Variants in CRYBG3 observed in about 807,000 individuals in gnomAD.
The protein encoded by CRYBG3 is very large A-kinase anchor protein.
CRYBG3 carries 127 observed loss-of-function variants against 244.2 expected under a neutral mutation model. The observed-to-expected ratio is 0.52, with a 90% CI of 0.45 to 0.60. CRYBG3 has a LOEUF of 0.60. Among genes scored for constraint, CRYBG3 ranks in the 20% least tolerant of loss-of-function variants. The pLI is 0.00. For missense variants in CRYBG3, 3,325 were observed against 3,442.5 expected, an observed-to-expected ratio of 0.97 and a Z score of 0.85; for synonymous variants, 1,132 against 1,195.8, an observed-to-expected ratio of 0.95 and a Z score of 1.10.
chr3:97,876,382 G>C lies in CRYBG3; in HGVS notation c.5188G>C (p.Glu1730Gln). 8.1e-7 allele frequency: 1 copy of C among 1,232,122 alleles called. No homozygotes were observed. The highest frequency in any genetic ancestry group is 1.0e-6 in the Non-Finnish European group (1 of 987,968). The allele number at this position is 1,232,122 out of a possible 1,614,324, so 76.3% of individuals were successfully genotyped here. A position where few individuals can be genotyped will look rare whatever the true frequency, so the allele number is the denominator to read the frequency against. ...TGCTGAAGGGGATATTGGAAAGGCT[G>C]AAGTGATGCCTGTGAGGTTAGAAAT... is the stretch of plus-strand genomic sequence containing the variant. ...KDAEGDIGKA[E>Q]VMPVRLEMEN... The change falls in exon 4 of 22, where the codon GAA becomes CAA. Residue 1730 changes from glutamate (E) to glutamine (Q), a missense_variant. Coordinates refer to ENST00000389622, the MANE Select transcript of CRYBG3 (RefSeq NM_153605.4).
chr3:97,942,919 A>C lies in CRYBG3; in HGVS notation c.8825-307A>C, dbSNP rs574391115. On this transcript the variant is annotated intron_variant, in intron 21 of 21. Coordinates refer to ENST00000389622, the MANE Select transcript of CRYBG3 (RefSeq NM_153605.4). ...ACAGTTTTGTTGGTGTAGAAACAAA[A>C]ACACAGTACCTGACATTCAGCCAGA... The C allele has an allele frequency of 1.6e-3, 480 of 292,546 alleles. 1 individual carries two copies. Among genetic ancestry groups the C allele is most frequent in the Non-Finnish European group, 2.6e-3 (416 of 161,258 alleles). 18.1% of individuals were successfully genotyped at this position (292,546 alleles called of 1,614,324 possible).
chr3:97,833,571 CAG>C (rs1363621735), intron 1 of CRYBG3, among the ~76,000 whole-genome samples: 4 of 151,660 alleles, frequency 2.6e-5, no homozygotes, highest in African/African-American at 4.8e-5. Flanking sequence ...GTCGGGTTGT[CAG>C]GGGGTGTCTA....
At chr3:97,927,441 A>G (rs1273214154) in intron 17 of CRYBG3, among the ~76,000 whole-genome samples, 2 of 151,924 alleles carry the variant, frequency 1.3e-5, no homozygotes, top group Admixed American at 6.6e-5. Context: ...AGACTAAAAT[A>G]TAAAACCTAA....
rs765635108 is a variant in CRYBG3, at chr3:97,877,808, C to A, written c.6614C>A (p.Thr2205Asn). Residue 2205 changes from threonine (T) to asparagine (N), a missense_variant, in exon 4 of 22, where the codon ACC becomes AAC. By Grantham distance (65) the Thr-to-Asn change is moderately conservative. Coordinates refer to ENST00000389622, the MANE Select transcript of CRYBG3 (RefSeq NM_153605.4). ...TATGTGATGCCAAATGAACCTACTA[C>A]CTCCAATCTGCAAGTTGGTCTGTGG... ...NSYVMPNEPT[T>N]SNLQVGLWPE... 12 of 1,614,036 alleles carry A rather than the reference C, an allele frequency of 7.4e-6. No individual in the cohort carries two copies. Among genetic ancestry groups the A allele is most frequent in the Middle Eastern group, 1.6e-4 (1 of 6,062 alleles).
At chr3:97,908,951 A>C (rs1365177143) in intron 15 of CRYBG3, among the ~76,000 whole-genome samples, 1 of 152,074 alleles carries the variant, frequency 6.6e-6, no homozygotes, top group Non-Finnish European at 1.5e-5. Flanking sequence ...TGGTGGTGAC[A>C]AAATCTCTCA....
Position 97,876,885 on chromosome 3 carries a change from A to G in CRYBG3, c.5691A>G (p.Gln1897=), listed in dbSNP as rs1220583854. Residue 1897 remains glutamine (Q), a synonymous_variant, in exon 4 of 22, where the codon CAA becomes CAG. Transcript: ENST00000389622. The part of the protein sequence containing the change: ...MLPAFESKTP[Q]EYAEGSVEET... ...CTGCATTTGAAAGTAAAACACCACA[A>G]GAGTATGCTGAAGGGAGTGTTGAAG... The G allele has an allele frequency of 2.1e-6, 3 of 1,419,272 alleles. No homozygotes were observed. Among genetic ancestry groups the G allele is most frequent in the Non-Finnish European group, 2.8e-6 (3 of 1,086,754 alleles). The allele number at this position is 1,419,272 out of a possible 1,614,324, so 87.9% of individuals were successfully genotyped here.
At chr3:97,928,660 C>T (rs980322216) in intron 17 of CRYBG3, among the ~76,000 whole-genome samples, 1 of 151,888 alleles carries the variant, frequency 6.6e-6, no homozygotes, top group African/African-American at 2.4e-5. Context: ...TAATATGATT[C>T]ATGTATGGCC....
At chr3:97,900,805 A>G (rs964368535) in intron 15 of CRYBG3, among the ~76,000 whole-genome samples, 4 of 152,196 alleles carry the variant, frequency 2.6e-5, no homozygotes, top group Non-Finnish European at 5.9e-5. Context: ...ATAGAATATT[A>G]TATTTATTTC....
At position 97,876,692 on chromosome 3, in the gene CRYBG3, T is replaced by C; in HGVS notation, c.5498T>C (p.Ile1833Thr). Residue 1833 changes from isoleucine to threonine, a missense_variant, in exon 4 of 22, where the codon ATT becomes ACT. By Grantham distance (89) the Ile-to-Thr change is moderately conservative (BLOSUM62 -1). This residue lies in a region of CRYBG3 where 635 missense variants were observed against 771.7 expected (regional missense o/e 0.82). Transcript: ENST00000389622. The part of the protein sequence containing the change: ...KACKRDVKET[I>T]GATVSTPSVI... The stretch of plus-strand genomic sequence containing the variant: ...TGCAAGAGAGATGTTAAAGAGACTA[T>C]TGGAGCAACTGTGTCCACACCCTCT... 1.6e-6 allele frequency: 2 copies of C among 1,242,804 alleles called. No individual in the cohort carries two copies. Among genetic ancestry groups the C allele is most frequent in the African/African-American group, 3.1e-5 (2 of 64,574 alleles). 77.0% of individuals were successfully genotyped at this position (1,242,804 alleles called of 1,614,324 possible).
chr3:97,832,542 T>C (rs1367147905), intron 1 of CRYBG3, among the ~76,000 whole-genome samples: 7 of 152,106 alleles, frequency 4.6e-5, no homozygotes, highest in African/African-American at 1.7e-4. Flanking sequence ...CTGGACCCCT[T>C]CCTTACACTG....
At chr3:97,887,414 CTG>C (rs1334117483) in intron 8 of CRYBG3, among the ~76,000 whole-genome samples, 1 of 152,138 alleles carries the variant, frequency 6.6e-6, no homozygotes, top group Non-Finnish European at 1.5e-5. Flanking sequence ...TCTGGGGACA[CTG>C]TAGGACAACA....
In CRYBG3 at chr3:97,900,385, T is replaced by G. The variant is rs148600511; in HGVS notation, c.7972-68T>G. ...AAAAAAAAATTTTTTTCAAAGGGTA[T>G]TTTCAAAACTTTCAAAAAGACAGAT... On this transcript the variant is annotated intron_variant, in intron 14 of 21. Transcript: ENST00000389622. 45 of 1,085,578 alleles carry G rather than the reference T, an allele frequency of 4.1e-5. No homozygotes were observed. In the African/African-American group the frequency reaches 6.5e-4, roughly 16 times the overall value. The allele number at this position is 1,085,578 out of a possible 1,614,324, so 67.2% of individuals were successfully genotyped here.
intron 1 of CRYBG3, among the ~76,000 whole-genome samples, chr3:97,827,201 TGA>T: frequency 6.6e-6 from 1 of 152,306 alleles, no homozygotes; most frequent in African/African-American, 2.4e-5. Flanking sequence ...GGAAAGAAGT[TGA>T]GACAGGATTG....
intron 10 of CRYBG3, among the ~76,000 whole-genome samples, chr3:97,889,799 A>T (rs908171382): frequency 6.6e-6 from 1 of 152,162 alleles, no homozygotes; most frequent in African/African-American, 2.4e-5. Flanking sequence ...GGTAGCTCTT[A>T]TCAGGTAGAT....
intron 2 of CRYBG3, among the ~76,000 whole-genome samples, chr3:97,857,680 C>T (rs1162511905): frequency 1.3e-5 from 2 of 151,770 alleles, no homozygotes; most frequent in African/African-American, 4.8e-5. Flanking sequence ...TGTCTTTTTC[C>T]ATCCATTTAC....
intron 3 of CRYBG3, among the ~76,000 whole-genome samples, chr3:97,867,697 C>T (rs1401612307): frequency 6.6e-6 from 1 of 152,140 alleles, no homozygotes; most frequent in Non-Finnish European, 1.5e-5. Flanking sequence ...TGGTATATAG[C>T]ATAAGCTGTA....
rs777096541 is a variant in CRYBG3 at position 97,877,882 on chromosome 3, C to T, written c.6688C>T (p.His2230Tyr). Residue 2230 changes from histidine (H) to tyrosine (Y), a missense_variant, in exon 4 of 22, where the codon CAT becomes TAT. His to Tyr is a moderately conservative substitution (Grantham distance 83). Coordinates refer to ENST00000389622, the MANE Select transcript of CRYBG3 (RefSeq NM_153605.4). ...LQKSDLTSKL[H>Y]SSLKSAYHQY... is the part of the protein sequence containing the mutation. ...GAAATCTGACCTTACTTCTAAACTA[C>T]ATTCTTCTTTAAAGAGTGCTTATCA... 4 of 1,613,990 alleles carry T rather than the reference C, an allele frequency of 2.5e-6. No individual in the cohort carries two copies. Among genetic ancestry groups the T allele is most frequent in the Non-Finnish European group, 3.4e-6 (4 of 1,180,018 alleles).
At chr3:97,834,623 CAGGATGGA>C (rs1273585732) in intron 1 of CRYBG3, among the ~76,000 whole-genome samples, 1 of 152,094 alleles carries the variant, frequency 6.6e-6, no homozygotes, top group Admixed American at 6.6e-5. Flanking sequence ...GGAGCATTCA[CAGGATGGA>C]AGGATGGCAT....
At position 97,902,579 on chromosome 3, in the gene CRYBG3, T is replaced by TGAC. The variant is rs1320611903; in HGVS notation, c.8004+2095_8004+2097dup. On this transcript the variant is annotated intron_variant, in intron 15 of 21. Coordinates refer to ENST00000389622, the MANE Select transcript of CRYBG3 (RefSeq NM_153605.4). Reference sequence around the variant, plus strand: ...TGCCATGGTGGTTTGCTGGACCTATTGACCAGTCCTCTAAGTTCCTTCCCC... The same window carrying TGAC: ...TGCCATGGTGGTTTGCTGGACCTATTGACGACCAGTCCTCTAAGTTCCTTCCCC... Among the ~76,000 whole-genome samples, 3 of 152,066 alleles carry TGAC rather than the reference T, an allele frequency of 2.0e-5. No homozygotes were observed. The East Asian group carries it at 5.8e-4, about 29-fold the overall frequency.
Sources: allele counts gnomAD v4.1 joint callset (sites outside exome capture counted in the v4.1 genomes callset), GRCh38; gene constraint gnomAD v4.1.1; regional missense constraint gnomAD v4.1.1; transcripts MANE v1.5; gene names NCBI Gene and HGNC (gene_info 2026-07-23, HGNC 2026-07-21).